The following HID1 variants were observed in gnomAD, a reference collection of about 807,000 sequenced individuals.
HID1 encodes the protein protein HID1.
A neutral mutation model predicts 89.7 loss-of-function variants in HID1; 42 were observed. That is an observed-to-expected ratio of 0.47 (90% CI 0.37 to 0.61). The LOEUF (loss-of-function observed/expected upper bound fraction) is 0.61. Among genes scored for constraint, HID1 ranks in the 20% least tolerant of loss-of-function variants. The pLI, the probability that HID1 is intolerant of heterozygous loss-of-function variation, is 0.00. For missense variants in HID1, 854 were observed against 1,039.3 expected (o/e 0.82, Z 2.45); for synonymous variants, 442 against 433.8 (o/e 1.02, Z -0.24).
chr17:74,961,220 G>A (rs1220012460), intron 6 of HID1, among the ~76,000 whole-genome samples: 1 of 152,050 alleles, frequency 6.6e-6, no homozygotes, highest in Non-Finnish European at 1.5e-5. Context: ...AAATGCTAAA[G>A]TTTGGGGTAT....
Position 74,954,534 on chromosome 17 carries a change from T to C in HID1, c.1637-169A>G, listed in dbSNP as rs1247089359. 4 of 1,146,496 alleles carry C rather than the reference T, an allele frequency of 3.5e-6. No individual in the cohort carries two copies. In the African/African-American group the frequency reaches 4.6e-5, roughly 13 times the overall value. The allele number at this position is 1,146,496 out of a possible 1,614,324, so 71.0% of individuals were successfully genotyped here. On this transcript the variant is annotated intron_variant, in intron 13 of 18. Coordinates refer to ENST00000425042, the MANE Select transcript of HID1 (RefSeq NM_030630.3). ...GAGGGTGCTGGGGCAGGGCTGGCAC[T>C]GGCTGTGTGTGCCCACTATGGCTAT... is the stretch of plus-strand genomic sequence containing the variant.
chr17:74,966,053 G>A (rs1188387803), intron 1 of HID1, among the ~76,000 whole-genome samples: 3 of 152,028 alleles, frequency 2.0e-5, no homozygotes, highest in Non-Finnish European at 4.4e-5. Context: ...TTGGGAGACT[G>A]AGGCGGGTGG....
Position 74,960,140 on chromosome 17 carries a change from G to A in HID1, c.837C>T (p.Pro279=), listed in dbSNP as rs267605045. The A allele has an allele frequency of 6.2e-7, 1 of 1,614,068 alleles. No homozygotes were observed. Among genetic ancestry groups the A allele is most frequent in the Non-Finnish European group, 8.5e-7 (1 of 1,180,032 alleles). Residue 279 remains proline (P), a synonymous_variant, in exon 7 of 19, where the codon CCC becomes CCT. Transcript: ENST00000425042. ...NHLLFSDYRE[P]LVEEAAQVLI... ...GCACCTGGGCAGCCTCCTCCACCAG[G>A]GGTTCCCGGTAGTCAGAGAAGAGCA...
In HID1 at chr17:74,952,033, C is replaced by T. The variant is rs2039309270; in HGVS notation, c.2175G>A (p.Arg725=). 1 of 1,558,858 alleles carries T rather than the reference C, an allele frequency of 6.4e-7. No individual in the cohort carries two copies. Among genetic ancestry groups the T allele is most frequent in the South Asian group, 1.2e-5 (1 of 84,588 alleles). ...KGLTDESEIL[R]FLQHGTLVGL... ...CCACCAGGGTGCCATGCTGCAGGAACCGCAGGATCTCAGACTCATCCGTCA... is the reference window on the plus strand; with the variant it reads ...CCACCAGGGTGCCATGCTGCAGGAATCGCAGGATCTCAGACTCATCCGTCA... Residue 725 remains arginine, a synonymous_variant, in exon 18 of 19, where the codon CGG becomes CGA. Transcript: ENST00000425042.
At chr17:74,953,144 G>T (rs115297072) in intron 15 of HID1, 58 bp from the exon 16 acceptor site, 2 of 1,323,682 alleles carry the variant, frequency 1.5e-6, no homozygotes, top group East Asian at 2.5e-5. Flanking sequence ...GGGGTGGAGT[G>T]GGGGGCAATG....
intron 13 of HID1, 55 bp downstream of exon 13, chr17:74,955,737 A>G: frequency 5.1e-6 from 8 of 1,557,136 alleles, no homozygotes; most frequent in Non-Finnish European, 7.0e-6. Context: ...CCCCTTATGT[A>G]GGAAGTAGGC....
chr17:74,972,094 C>A lies in HID1; in HGVS notation c.66+497G>T, dbSNP rs1245816491. On this transcript the variant is annotated intron_variant, in intron 1 of 18. Coordinates refer to ENST00000425042, the MANE Select transcript of HID1 (RefSeq NM_030630.3). The surrounding 1 kb of genome is among the most constrained non-coding windows in gnomAD (Gnocchi z 6.4). Reference sequence around the variant, plus strand: ...CCCACGGGCATCGACCAGGGCCCAGCGAGGCCGCTGCCGCGCACACCAGCT... The same window carrying A: ...CCCACGGGCATCGACCAGGGCCCAGAGAGGCCGCTGCCGCGCACACCAGCT... Among the ~76,000 whole-genome samples the A allele has an allele frequency of 1.3e-5, 2 of 152,212 alleles. No homozygotes were observed. The highest frequency in any genetic ancestry group is 2.9e-5 in the Non-Finnish European group (2 of 68,042).
At position 74,963,760 on chromosome 17, in the gene HID1, G is replaced by A. The variant is rs1338907593; in HGVS notation, c.367C>T (p.Pro123Ser). ...DWRGFFWSTV[P>S]GAGRGGQGEE... is the part of the protein sequence containing the mutation. ...CAGACCCCTCCTCGCCCTGCCCCGG[G>A]CACTGTGGACCAGAAGAAGCCCCTC... The change falls in exon 3 of 19, where the codon CCC (proline) becomes TCC (serine). Residue 123 changes from proline to serine, a missense_variant. Transcript: ENST00000425042. 1.2e-6 allele frequency: 2 copies of A among 1,611,892 alleles called. No homozygotes were observed. Among genetic ancestry groups the A allele is most frequent in the Non-Finnish European group, 1.7e-6 (2 of 1,179,068 alleles).
chr17:74,969,219 G>A (rs763788401), intron 1 of HID1, among the ~76,000 whole-genome samples: 11 of 151,968 alleles, frequency 7.2e-5, no homozygotes, highest in South Asian at 2.1e-4. Flanking sequence ...TTTTGAGACC[G>A]AGTCTTGCTC....
At position 74,951,209 on chromosome 17, in the gene HID1, G is replaced by T; in HGVS notation, c.*361C>A. ...CGTGGTTCCCTGGTCAAACCCCTTA[G>T]GGCACAGTGACCCATTGGCTTCTGC... On this transcript the variant is annotated 3_prime_UTR_variant, in exon 19 of 19. Transcript: ENST00000425042. The T allele has an allele frequency of 3.3e-6, 1 of 305,772 alleles. No individual in the cohort carries two copies. The highest frequency in any genetic ancestry group is 6.1e-6 in the Non-Finnish European group (1 of 163,668). The allele number at this position is 305,772 out of a possible 1,614,324, so 18.9% of individuals were successfully genotyped here.
chr17:74,956,136 G>A (rs1431872774), intron 12 of HID1, among the ~76,000 whole-genome samples, 180 bp from the exon 13 acceptor site: 1 of 152,160 alleles, frequency 6.6e-6, no homozygotes, highest in Non-Finnish European at 1.5e-5. Context: ...AGAGTCCTGG[G>A]AGGCAGTTAG....
chr17:74,966,065 T>C (rs2144824952), intron 1 of HID1, among the ~76,000 whole-genome samples: 1 of 151,834 alleles, frequency 6.6e-6, no homozygotes, highest in Admixed American at 6.6e-5. Context: ...GGCGGGTGGA[T>C]CACAAGGTCA....
At position 74,951,527 on chromosome 17, in the gene HID1, G is replaced by A. The variant is rs369181454; in HGVS notation, c.*43C>T. 17 of 1,567,412 alleles carry A rather than the reference G, an allele frequency of 1.1e-5. No individual in the cohort carries two copies. In the Middle Eastern group the frequency reaches 6.7e-4, roughly 61 times the overall value. On this transcript the variant is annotated 3_prime_UTR_variant, in exon 19 of 19. Coordinates refer to ENST00000425042, the MANE Select transcript of HID1 (RefSeq NM_030630.3). ...GGATGGGGGAAGCCTCAGGGACCAA[G>A]GCCCTGCCTTCCCCTAGACTGAGCC...
Position 74,958,163 on chromosome 17 carries a change from G to A in HID1, c.1449C>T (p.Cys483=). 1.2e-6 allele frequency: 2 copies of A among 1,610,392 alleles called. No homozygotes were observed. Among genetic ancestry groups the A allele is most frequent in the Non-Finnish European group, 1.7e-6 (2 of 1,178,674 alleles). ...TACCGTTGACCACGATGGTGAGCAG[G>A]CAGTCGAAGAGGGGCTGCAACCGCT... ...GHQRLQPLFD[C]LLTIVVNVSP... is the part of the protein sequence containing the mutation. The change falls in exon 12 of 19, where the codon TGC becomes TGT. Residue 483 remains cysteine (C), a synonymous_variant. Transcript: ENST00000425042. The surrounding 1 kb of genome is among the most constrained non-coding windows in gnomAD (Gnocchi z 5.2).
intron 16 of HID1, among the ~76,000 whole-genome samples, chr17:74,952,615 T>A (rs1384343899): frequency 6.6e-6 from 1 of 152,128 alleles, no homozygotes; most frequent in African/African-American, 2.4e-5. Context: ...AACAGCGTGG[T>A]CAGGCAGGGA....
chr17:74,952,870 C>G, intron 16 of HID1, 136 bp downstream of exon 16: 1 of 667,448 alleles, frequency 1.5e-6, no homozygotes, highest in Non-Finnish European at 2.5e-6. Flanking sequence ...GGCTTCTATG[C>G]TAGGGTCCTT....
At chr17:74,960,530 G>A (rs9908769) in intron 6 of HID1, among the ~76,000 whole-genome samples, 48,491 of 152,118 alleles carry the variant, frequency 0.32, 7,841 homozygotes, top group Admixed American at 0.39. Context: ...CAGAGCCCAC[G>A]CTCAGCCAAC....
intron 1 of HID1, 31 bp from the exon 2 acceptor site, chr17:74,964,663 CA>C: frequency 6.3e-7 from 1 of 1,598,984 alleles, no homozygotes; most frequent in Non-Finnish European, 8.5e-7. Flanking sequence ...CAGAGTTACA[CA>C]ACTCCTGGCC....
At position 74,958,317 on chromosome 17, in the gene HID1, G is replaced by A. The variant is rs1377982755; in HGVS notation, c.1392+10C>T. 6.2e-7 allele frequency: 1 copy of A among 1,612,590 alleles called. No individual in the cohort carries two copies. Among genetic ancestry groups the A allele is most frequent in the Non-Finnish European group, 8.5e-7 (1 of 1,179,524 alleles). On this transcript the variant is annotated intron_variant, in intron 11 of 18. Transcript: ENST00000425042. This position sits in a 1 kb window ranked among gnomAD's most constrained non-coding sequence, Gnocchi z 5.2. ...GCACCTCCTGGGCCCGGCCGCACGA[G>A]CCCCCTCACCACAATGAGCAGGTCG...
Sources: gnomAD v4.1 joint callset for allele counts (sites outside exome capture counted in the v4.1 genomes callset) on GRCh38, gnomAD v4.1.1 for gene constraint, Gnocchi (gnomAD v3.1) non-coding constraint, MANE v1.5 for transcripts, NCBI Gene and HGNC (gene_info 2026-07-23, HGNC 2026-07-21) for gene names.